Variants in MYPN observed in about 807,000 individuals in gnomAD.
MYPN encodes the protein myopalladin.
Under a neutral mutation model 129.4 loss-of-function variants are expected in MYPN, and 63 were observed. That is an observed-to-expected ratio of 0.49 (90% confidence interval 0.40 to 0.60). The LOEUF (loss-of-function observed/expected upper bound fraction) is 0.60. MYPN is among the 20% of genes least tolerant of loss of function. MYPN has a pLI of 0.00. For missense variants in MYPN, 1,596 were observed against 1,635.4 expected, an observed-to-expected ratio of 0.98 and a Z score of 0.42; for synonymous variants, 629 against 600.9, an observed-to-expected ratio of 1.05 and a Z score of -0.68.
At chr10:68,198,019 C>T (rs1004762987) in intron 16 of MYPN, among the ~76,000 whole-genome samples, 1 of 152,114 alleles carries the variant, frequency 6.6e-6, no homozygotes, top group African/African-American at 2.4e-5. Flanking sequence ...AACTTAGAAA[C>T]TTTATTTCTG....
intron 14 of MYPN, 133 bp from the exon 15 acceptor site, chr10:68,195,317 T>C: frequency 4.0e-6 from 3 of 745,062 alleles, no homozygotes; most frequent in Non-Finnish European, 7.2e-6. Flanking sequence ...ATTTTATTGT[T>C]TTTATTTCTC....
upstream of MYPN, among the ~76,000 whole-genome samples, chr10:68,102,752 A>G (rs1181693652): frequency 6.6e-6 from 1 of 152,166 alleles, no homozygotes; most frequent in Non-Finnish European, 1.5e-5. Flanking sequence ...TAACTTAACT[A>G]CAATTAAAAA....
intron 13 of MYPN, among the ~76,000 whole-genome samples, chr10:68,192,229 T>C (rs2043525876): frequency 6.6e-6 from 1 of 152,192 alleles, no homozygotes; most frequent in African/African-American, 2.4e-5. Flanking sequence ...TTTAATTGAG[T>C]GCTTTTTCAG....
chr10:68,129,403 A>G (rs1246589511), intron 2 of MYPN, among the ~76,000 whole-genome samples: 2 of 152,220 alleles, frequency 1.3e-5, no homozygotes, highest in African/African-American at 2.4e-5. Flanking sequence ...TTCTTTAAAA[A>G]GTATATCCAT....
chr10:68,173,119 G>A (rs1296082706), intron 10 of MYPN, among the ~76,000 whole-genome samples: 6 of 152,128 alleles, frequency 3.9e-5, no homozygotes, highest in Non-Finnish European at 1.5e-5. Context: ...AGGAAAAGAT[G>A]TTAAACCAGG....
intron 7 of MYPN, 44 bp from the exon 8 acceptor site, chr10:68,161,685 C>T (rs758256583): frequency 1.3e-6 from 2 of 1,539,386 alleles, no homozygotes; most frequent in Non-Finnish European, 1.8e-6. Context: ...TGTAGTTTCT[C>T]AGTAAAATAA....
intron 12 of MYPN, among the ~76,000 whole-genome samples, 174 bp downstream of exon 12, chr10:68,175,635 G>T (rs538271089): frequency 6.7e-6 from 1 of 148,526 alleles, no homozygotes; most frequent in African/African-American, 2.5e-5. Flanking sequence ...TGGATCTGCG[G>T]TTCGTAATTC....
chr10:68,139,557 C>T (rs572873118), intron 2 of MYPN, among the ~76,000 whole-genome samples: 43 of 152,212 alleles, frequency 2.8e-4, no homozygotes, highest in South Asian at 8.3e-4. Context: ...CTTGTTTAAT[C>T]GGACATCCAG....
chr10:68,094,583 C>G (rs907953123), intron 1 of MYPN, among the ~76,000 whole-genome samples: 1 of 152,028 alleles, frequency 6.6e-6, no homozygotes, highest in African/African-American at 2.4e-5. Flanking sequence ...CTTATTTTAC[C>G]CAGCCCCTAT....
chr10:68,099,681 CAG>C (rs1345226780), intron 1 of MYPN, among the ~76,000 whole-genome samples: 1 of 152,030 alleles, frequency 6.6e-6, no homozygotes, highest in African/African-American at 2.4e-5. Context: ...TAGAGATGCA[CAG>C]AGAGAATTGC....
In MYPN at chr10:68,167,231, C is replaced by A. The variant is rs182680472; in HGVS notation, c.1973+565C>A. Among the ~76,000 whole-genome samples, 228 of 152,216 alleles carry A rather than the reference C, an allele frequency of 1.5e-3. 2 individuals are homozygous for A. Among genetic ancestry groups the A allele is most frequent in the African/African-American group, 5.3e-3 (219 of 41,530 alleles). On this transcript the variant is annotated intron_variant, in intron 10 of 19. Coordinates refer to ENST00000358913, the MANE Select transcript of MYPN (RefSeq NM_032578.4). Reference sequence around the variant, plus strand: ...TGTCTGACATTCTGACATCAGAGTCCCCAGGTAAAGTACTTCTGTGCTTCT... The same window carrying A: ...TGTCTGACATTCTGACATCAGAGTCACCAGGTAAAGTACTTCTGTGCTTCT...
At chr10:68,119,952 C>T (rs6480305) in intron 1 of MYPN, among the ~76,000 whole-genome samples, 69,890 of 151,976 alleles carry the variant, frequency 0.46, 17,106 homozygotes, top group African/African-American at 0.64. Flanking sequence ...GGAAGCCTTT[C>T]GTGTGATATA....
intron 8 of MYPN, among the ~76,000 whole-genome samples, chr10:68,162,353 C>G (rs1195394768): frequency 1.3e-5 from 2 of 152,182 alleles, no homozygotes; most frequent in Non-Finnish European, 2.9e-5. Context: ...TTTGAGCCCT[C>G]TCAAAACTAG....
intron 2 of MYPN, among the ~76,000 whole-genome samples, chr10:68,141,871 T>TTATATA (rs1160439761): frequency 2.0e-5 from 3 of 152,324 alleles, no homozygotes; most frequent in East Asian, 3.9e-4. Flanking sequence ...TAAAATTCAA[T>TTATATA]TATATATCTT....
chr10:68,194,831 C>T (rs1258223332), intron 14 of MYPN, among the ~76,000 whole-genome samples: 1 of 152,152 alleles, frequency 6.6e-6, no homozygotes. Context: ...ATCATTATAT[C>T]AATCATTCTA....
At position 68,182,447 on chromosome 10, in the gene MYPN, TATA is replaced by T. The variant is rs1370470275; in HGVS notation, c.2704-6456_2704-6454del. ...ATATAACACATATATATAACATATA[TATA>T]ACATATATATATAACATATATACAC... On this transcript the variant is annotated intron_variant, in intron 12 of 19. Coordinates refer to ENST00000358913, the MANE Select transcript of MYPN (RefSeq NM_032578.4). Among the ~76,000 whole-genome samples the T allele has an allele frequency of 1.9e-3, 187 of 99,992 alleles. 2 individuals carry two copies. The highest frequency in any genetic ancestry group is 6.8e-3 in the African/African-American group (182 of 26,588). The allele number at this position is 99,992 out of a possible 152,430, so 65.6% of individuals were successfully genotyped here. A position where few individuals can be genotyped will look rare whatever the true frequency, so the allele number is the denominator to read the frequency against.
intron 15 of MYPN, among the ~76,000 whole-genome samples, chr10:68,196,929 C>T (rs2043617269): frequency 6.6e-6 from 1 of 152,126 alleles, no homozygotes; most frequent in African/African-American, 2.4e-5. Context: ...AATTTTATTA[C>T]TCAAAGACAC....
rs1480123350 is a variant in MYPN, at chr10:68,182,336, C to A, written c.2704-6569C>A. Among the ~76,000 whole-genome samples, 196 of 41,002 alleles carry A rather than the reference C, an allele frequency of 4.8e-3. 4 individuals are homozygous for A. Among genetic ancestry groups the A allele is most frequent in the African/African-American group, 0.012 (187 of 16,038 alleles). The allele number at this position is 41,002 out of a possible 152,430, so 26.9% of individuals were successfully genotyped here. On this transcript the variant is annotated intron_variant, in intron 12 of 19. Coordinates refer to ENST00000358913, the MANE Select transcript of MYPN (RefSeq NM_032578.4). ...ACATATATATAACATATATATAACA[C>A]ACACATATATAACATATATATAACA...
intron 2 of MYPN, among the ~76,000 whole-genome samples, chr10:68,139,864 G>A (rs1487597358): frequency 2.0e-5 from 3 of 152,162 alleles, no homozygotes; most frequent in Admixed American, 6.5e-5. Flanking sequence ...ACATTGTAGT[G>A]GTGAATAAGA....
Sources: allele counts gnomAD v4.1 joint callset (sites outside exome capture counted in the v4.1 genomes callset), GRCh38; gene constraint gnomAD v4.1.1; transcripts MANE v1.5; gene names NCBI Gene and HGNC (gene_info 2026-07-23, HGNC 2026-07-21).